GRM7: variants seen among roughly 807,000 people sequenced by gnomAD.
GRM7 encodes the protein glutamate metabotropic receptor 7.
In GRM7, 35 loss-of-function variants were observed where a neutral mutation model predicts 84.5. The observed-to-expected ratio is 0.41, with a 90% confidence interval of 0.32 to 0.55. The LOEUF (loss-of-function observed/expected upper bound fraction) is 0.55. GRM7 is among the 20% of genes least tolerant of loss of function. The pLI, the probability that GRM7 is intolerant of heterozygous loss-of-function variation, is 0.19. For synonymous variants in GRM7, 487 were observed against 455.1 expected, an observed-to-expected ratio of 1.07 and a Z score of -0.89; for missense variants, 1,003 against 1,194.6, an observed-to-expected ratio of 0.84 and a Z score of 2.36.
At chr3:7,658,859 T>C (rs181268774) in intron 8 of GRM7, among the ~76,000 whole-genome samples, 284 of 152,352 alleles carry the variant, frequency 1.9e-3, no homozygotes, top group African/African-American at 6.1e-3. Context: ...CAGCTTTTTT[T>C]ACATTTGCAA....
intron 4 of GRM7, among the ~76,000 whole-genome samples, chr3:7,311,173 C>G (rs1700377777): frequency 6.6e-6 from 1 of 152,068 alleles, no homozygotes; most frequent in African/African-American, 2.4e-5. Flanking sequence ...TTCAAATATA[C>G]CTGGGAAATG....
chr3:7,583,391 T>C (rs1410194788), intron 8 of GRM7, among the ~76,000 whole-genome samples: 2 of 152,172 alleles, frequency 1.3e-5, no homozygotes, highest in Non-Finnish European at 2.9e-5. Flanking sequence ...GGTAGATAAA[T>C]GTTTCTCCAT....
At chr3:7,008,891 C>G (rs990798177) in intron 1 of GRM7, among the ~76,000 whole-genome samples, 1 of 152,142 alleles carries the variant, frequency 6.6e-6, no homozygotes, top group African/African-American at 2.4e-5. Flanking sequence ...TTAAAACACT[C>G]CACTCCTGTC....
chr3:7,159,488 G>A (rs1439386706), intron 2 of GRM7, among the ~76,000 whole-genome samples: 3 of 152,148 alleles, frequency 2.0e-5, no homozygotes, highest in African/African-American at 4.8e-5. Context: ...TATGGAGAAA[G>A]ACAGAGATTG....
chr3:7,033,426 G>A (rs1696262282), intron 1 of GRM7, among the ~76,000 whole-genome samples: 1 of 152,034 alleles, frequency 6.6e-6, no homozygotes, highest in Admixed American at 6.6e-5. Flanking sequence ...AGTTTTCTCT[G>A]TTTTGTGTTG....
At chr3:7,318,635 A>T (rs1352774751) in intron 4 of GRM7, among the ~76,000 whole-genome samples, 1 of 151,890 alleles carries the variant, frequency 6.6e-6, no homozygotes, top group Non-Finnish European at 1.5e-5. Flanking sequence ...AAGGGAAGAA[A>T]AAACCCTCTA....
chr3:7,475,728 G>A (rs1194508459), intron 7 of GRM7, among the ~76,000 whole-genome samples: 1 of 152,188 alleles, frequency 6.6e-6, no homozygotes, highest in African/African-American at 2.4e-5. Flanking sequence ...AACCATTGAA[G>A]ATTTTCTGGA....
At chr3:7,438,478 C>G (rs949524578) in intron 5 of GRM7, among the ~76,000 whole-genome samples, 2 of 151,896 alleles carry the variant, frequency 1.3e-5, no homozygotes, top group Non-Finnish European at 2.9e-5. Context: ...CAGAATCTCA[C>G]AAAGGGATGA....
intron 1 of GRM7, among the ~76,000 whole-genome samples, chr3:6,870,009 T>C (rs1695068142): frequency 1.3e-5 from 2 of 152,258 alleles, no homozygotes; most frequent in Non-Finnish European, 2.9e-5. Flanking sequence ...CTCCTTCTCC[T>C]TTCCTCTTCT....
chr3:7,241,790 C>G (rs1206340763), intron 2 of GRM7, among the ~76,000 whole-genome samples: 1 of 152,094 alleles, frequency 6.6e-6, no homozygotes, highest in Non-Finnish European at 1.5e-5. Context: ...CTTTCCAGGG[C>G]ACATCTCCAG....
At chr3:7,376,926 C>T (rs1040470580) in intron 4 of GRM7, among the ~76,000 whole-genome samples, 4 of 152,176 alleles carry the variant, frequency 2.6e-5, no homozygotes, top group African/African-American at 9.7e-5. Flanking sequence ...GTAGTACCAC[C>T]TCCCCATTTG....
intron 1 of GRM7, among the ~76,000 whole-genome samples, chr3:7,123,537 T>G (rs961605888): frequency 6.6e-5 from 10 of 152,034 alleles, no homozygotes; most frequent in Admixed American, 2.6e-4. Context: ...GAGAATCGCT[T>G]GAACCCAGGA....
intron 1 of GRM7, among the ~76,000 whole-genome samples, chr3:6,945,674 C>A (rs1297479969): frequency 1.3e-5 from 2 of 152,132 alleles, no homozygotes; most frequent in Admixed American, 6.5e-5. Context: ...TTTACAGTCC[C>A]ACCAACAGTG....
chr3:7,675,337 A>C (rs757545021), intron 8 of GRM7, among the ~76,000 whole-genome samples: 6 of 152,222 alleles, frequency 3.9e-5, no homozygotes, highest in Non-Finnish European at 7.3e-5. Context: ...GAAATCTATC[A>C]GAATATTCTT....
At chr3:7,459,729 C>G (rs1371083936) in intron 6 of GRM7, among the ~76,000 whole-genome samples, 1 of 152,046 alleles carries the variant, frequency 6.6e-6, no homozygotes, top group African/African-American at 2.4e-5. Context: ...ATTATGGGAG[C>G]TACAATTCAA....
At chr3:7,402,848 C>A (rs1000493215) in intron 4 of GRM7, among the ~76,000 whole-genome samples, 6 of 150,210 alleles carry the variant, frequency 4.0e-5, no homozygotes, top group African/African-American at 1.5e-4. Context: ...CTCAGACTTG[C>A]ATATGAAAAG....
At chr3:7,023,729 T>C (rs1447407275) in intron 1 of GRM7, among the ~76,000 whole-genome samples, 2 of 152,130 alleles carry the variant, frequency 1.3e-5, no homozygotes, top group Non-Finnish European at 2.9e-5. Context: ...CACACAGTGT[T>C]CTCCCTGTGT....
intron 2 of GRM7, among the ~76,000 whole-genome samples, chr3:7,225,983 A>G (rs1049109480): frequency 2.0e-5 from 3 of 152,226 alleles, no homozygotes; most frequent in Non-Finnish European, 4.4e-5. Flanking sequence ...TGTGAAATAA[A>G]GAACATTAGT....
At chr3:7,435,833 G>A (rs1023059319) in intron 5 of GRM7, among the ~76,000 whole-genome samples, 9 of 146,934 alleles carry the variant, frequency 6.1e-5, no homozygotes, top group Non-Finnish European at 1.2e-4. Context: ...GACTACAGGC[G>A]CCCGCCACCA....
Sources: gnomAD v4.1 joint callset for allele counts (sites outside exome capture counted in the v4.1 genomes callset) on GRCh38, gnomAD v4.1.1 for gene constraint, MANE v1.5 for transcripts, NCBI Gene and HGNC (gene_info 2026-07-23, HGNC 2026-07-21) for gene names.